The following SAMMSON variants were observed in gnomAD, a reference collection of about 807,000 sequenced individuals.
SAMMSON encodes survival associated mitochondrial melanoma specific oncogenic non-coding RNA, also known as long intergenic non-protein coding RNA 1212.
At chr3:70,031,003 A>T (rs939088620) in intron 3 of SAMMSON, among the ~76,000 whole-genome samples, 1 of 152,188 alleles carries the variant, frequency 6.6e-6, no homozygotes, top group African/African-American at 2.4e-5. Flanking sequence ...CTCCAAATTG[A>T]ACATAGATTT....
chr3:70,161,019 T>C (rs1434275187), intron 4 of SAMMSON, among the ~76,000 whole-genome samples: 1 of 152,134 alleles, frequency 6.6e-6, no homozygotes, highest in Non-Finnish European at 1.5e-5. Flanking sequence ...ATGTTGATCT[T>C]GTATCCTGTG....
intron 4 of SAMMSON, among the ~76,000 whole-genome samples, chr3:70,186,516 C>T (rs951310941): frequency 6.6e-6 from 1 of 152,016 alleles, no homozygotes; most frequent in Non-Finnish European, 1.5e-5. Context: ...GCTTAAGTGA[C>T]CCTCCCGCCT....
chr3:70,173,487 A>G (rs1277514720), intron 4 of SAMMSON, among the ~76,000 whole-genome samples: 1 of 151,968 alleles, frequency 6.6e-6, no homozygotes, highest in Non-Finnish European at 1.5e-5. Flanking sequence ...AAGCAAATAT[A>G]TGGTATACGT....
At chr3:70,079,036 C>G (rs920331195) in intron 4 of SAMMSON, among the ~76,000 whole-genome samples, 4 of 152,170 alleles carry the variant, frequency 2.6e-5, no homozygotes, top group African/African-American at 9.7e-5. Flanking sequence ...TGCTTTTGCA[C>G]TGAAGAGCAG....
chr3:70,393,543 G>C (rs1701067082), downstream of SAMMSON, among the ~76,000 whole-genome samples: 1 of 152,118 alleles, frequency 6.6e-6, no homozygotes, highest in South Asian at 2.1e-4. Flanking sequence ...GCTTTCTGGA[G>C]GAGGAGACAA....
rs541103386 is a variant in SAMMSON, at chr3:70,021,822, A to T, written n.417+8150A>T. Among the ~76,000 whole-genome samples the T allele has an allele frequency of 5.3e-5, 8 of 152,292 alleles. No homozygotes were observed. In the South Asian group the frequency reaches 1.5e-3, roughly 28 times the overall value. On this transcript the variant is annotated intron_variant and non_coding_transcript_variant, in intron 3 of 9. Transcript: ENST00000642114. Reference sequence around the variant, plus strand: ...TGTTTTTTTGGAAGCAAAAATCTTGACTTAAAAAAACTAGCTTGCAGCTGA... The same window carrying T: ...TGTTTTTTTGGAAGCAAAAATCTTGTCTTAAAAAAACTAGCTTGCAGCTGA...
chr3:70,338,262 T>C (rs1011657745), intron 7 of SAMMSON, among the ~76,000 whole-genome samples: 1 of 152,030 alleles, frequency 6.6e-6, no homozygotes, highest in Non-Finnish European at 1.5e-5. Context: ...CTTTATTCTT[T>C]CTTTTCTTTT....
At chr3:70,096,390 A>C (rs1434067200) in intron 4 of SAMMSON, among the ~76,000 whole-genome samples, 1 of 152,186 alleles carries the variant, frequency 6.6e-6, no homozygotes, top group Non-Finnish European at 1.5e-5. Context: ...CAAAAATTAC[A>C]AAAATTAGCT....
chr3:70,377,797 C>T (rs1041347706), intron 9 of SAMMSON, among the ~76,000 whole-genome samples: 1 of 151,584 alleles, frequency 6.6e-6, no homozygotes, highest in African/African-American at 2.4e-5. Context: ...GGCAAGTGTG[C>T]CAATAGAAAA....
intron 2 of SAMMSON, among the ~76,000 whole-genome samples, chr3:70,414,572 A>C (rs1559584346): frequency 6.6e-6 from 1 of 152,126 alleles, no homozygotes. Context: ...TGGTTTTCCC[A>C]TGAAGTTATG....
chr3:70,393,064 G>A (rs1412654468), downstream of SAMMSON, among the ~76,000 whole-genome samples: 1 of 152,258 alleles, frequency 6.6e-6, no homozygotes, highest in South Asian at 2.1e-4. Flanking sequence ...ATGGAATATG[G>A]ACTAATTAGA....
At chr3:70,180,666 A>G in intron 4 of SAMMSON, among the ~76,000 whole-genome samples, 1 of 152,150 alleles carries the variant, frequency 6.6e-6, no homozygotes, top group East Asian at 1.9e-4. Context: ...TCACTGAACA[A>G]TTAGGGATTA....
At chr3:70,402,000 G>A (rs1226499671) in intron 2 of SAMMSON, among the ~76,000 whole-genome samples, 2 of 152,044 alleles carry the variant, frequency 1.3e-5, no homozygotes, top group Admixed American at 1.3e-4. Context: ...AGATAATTAA[G>A]CAGCCCTGTT....
At chr3:70,094,268 A>C (rs1559789803) in intron 4 of SAMMSON, among the ~76,000 whole-genome samples, 1 of 151,974 alleles carries the variant, frequency 6.6e-6, no homozygotes, top group East Asian at 1.9e-4. Flanking sequence ...GCCTCATGAC[A>C]TCTGTTCTGA....
chr3:70,211,494 TTCCCTTCCCTTTGCCCTTCCCTTC>T (rs1701347207), intron 4 of SAMMSON, among the ~76,000 whole-genome samples: 1 of 98,702 alleles, frequency 1.0e-5, no homozygotes, highest in Non-Finnish European at 2.3e-5. Context: ...TTCCCTTCCC[TTCCCTTCCCTTTGCCCTTCCCTTC>T]CCTTCCCTTC....
At chr3:70,016,013 G>T (rs1010028411) in intron 3 of SAMMSON, among the ~76,000 whole-genome samples, 4 of 152,112 alleles carry the variant, frequency 2.6e-5, no homozygotes, top group African/African-American at 9.7e-5. Context: ...GAATAGTGCC[G>T]CAATAAACAT....
intron 7 of SAMMSON, among the ~76,000 whole-genome samples, chr3:70,345,784 A>G (rs1702746152): frequency 6.6e-6 from 1 of 152,062 alleles, no homozygotes; most frequent in Non-Finnish European, 1.5e-5. Flanking sequence ...TAGCGATAGC[A>G]TTTAATACTG....
intron 4 of SAMMSON, among the ~76,000 whole-genome samples, chr3:70,179,625 A>G (rs1326821149): frequency 1.3e-5 from 2 of 152,224 alleles, no homozygotes; most frequent in Non-Finnish European, 1.5e-5. Flanking sequence ...TCTTAACACT[A>G]GGATCTTTAT....
chr3:70,366,912 T>G (rs890834664), intron 9 of SAMMSON, among the ~76,000 whole-genome samples: 1 of 151,756 alleles, frequency 6.6e-6, no homozygotes, highest in Non-Finnish European at 1.5e-5. Flanking sequence ...TAATTTGCAT[T>G]TTCTTAGTGA....
Sources: allele counts gnomAD v4.1 joint callset (sites outside exome capture counted in the v4.1 genomes callset), GRCh38; gene constraint gnomAD v4.1.1; transcripts MANE v1.5; gene names NCBI Gene and HGNC (gene_info 2026-07-23, HGNC 2026-07-21).